The following TNFSF14 variants were observed in gnomAD, a reference collection of about 807,000 sequenced individuals.
TNFSF14 encodes the protein tumor necrosis factor ligand superfamily member 14.
TNFSF14 carries 15 observed loss-of-function variants against 22.7 expected under a neutral mutation model. The ratio of observed to expected loss-of-function variants is 0.66; its 90% CI spans 0.44 to 1.02. The LOEUF (loss-of-function observed/expected upper bound fraction) is 1.02. Among genes scored for constraint, TNFSF14 ranks in the 50% least tolerant of loss-of-function variants. TNFSF14 has a pLI of 0.00. For synonymous variants in TNFSF14, 133 were observed against 139.6 expected, an observed-to-expected ratio of 0.95 and a Z score of 0.33; for missense variants, 287 against 326.2, an observed-to-expected ratio of 0.88 and a Z score of 0.93.
In TNFSF14 at chr19:6,664,929, C is replaced by T. The variant is rs1382520538; in HGVS notation, c.720G>A (p.Val240=). 1.3e-6 allele frequency: 2 copies of T among 1,586,610 alleles called. No homozygotes were observed. The highest frequency in any genetic ancestry group is 1.7e-6 in the Non-Finnish European group (2 of 1,161,806). ...CCAATGCACCACGCTCCTTCCTTCACACCATGAAAGCCCCGAAGTAAGACC... is the reference window on the plus strand; with the variant it reads ...CCAATGCACCACGCTCCTTCCTTCATACCATGAAAGCCCCGAAGTAAGACC... ...GTRSYFGAFM[V] is the part of the protein sequence containing the mutation. The change falls in exon 4 of 4, where the codon GTG becomes GTA. Residue 240 remains valine (V), a synonymous_variant. Transcript: ENST00000675206. This position sits in a 1 kb window ranked among gnomAD's most constrained non-coding sequence, Gnocchi z 4.7.
chr19:6,667,137 C>T lies in TNFSF14; in HGVS notation c.274G>A (p.Val92Ile), dbSNP rs201714884. 6 of 1,595,976 alleles carry T rather than the reference C, an allele frequency of 3.8e-6. No individual in the cohort carries two copies. The highest frequency in any genetic ancestry group is 1.7e-4 in the Middle Eastern group (1 of 5,990). ...CCTGTGAGATGCGCTGCTGGGTTGA[C>T]CTCGTGAGACCTTCGCTCTGGGGAA... is the stretch of plus-strand genomic sequence containing the variant. ...QLIQERRSHE[V>I]NPAAHLTGAN... The change falls in exon 3 of 4, where the codon GTC becomes ATC. Residue 92 changes from valine (V) to isoleucine (I), a missense_variant. Physicochemically the swap from Val to Ile is conservative, Grantham distance 29. Coordinates refer to ENST00000675206, the MANE Select transcript of TNFSF14 (RefSeq NM_001376887.1).
At chr19:6,669,807 C>G in intron 1 of TNFSF14, 44 bp downstream of exon 1, 4 of 1,597,658 alleles carry the variant, frequency 2.5e-6, no homozygotes, top group Non-Finnish European at 3.4e-6. Context: ...CACAGGGGAG[C>G]CCCCCTCACC....
In TNFSF14 at chr19:6,663,007, G is replaced by A. The variant is rs1215173137; in HGVS notation, c.*1919C>T. ...CATGGGTCATTACCTCCATCCCTCT[G>A]CCTCTAGGAGCCACCACTTGTTGCT... On this transcript the variant is annotated 3_prime_UTR_variant, in exon 4 of 4. Transcript: ENST00000675206. 3.3e-5 allele frequency: 5 copies of A among 152,188 alleles called. No individual in the cohort carries two copies. Among genetic ancestry groups the A allele is most frequent in the Admixed American group, 2.6e-4 (4 of 15,266 alleles). The allele number at this position is 152,188 out of a possible 1,614,324, so 9.4% of individuals were successfully genotyped here.
rs903282724 is a variant in TNFSF14, at chr19:6,670,101, C to T, written c.-32G>A. On this transcript the variant is annotated 5_prime_UTR_variant, in exon 1 of 4. Transcript: ENST00000675206. Reference sequence around the variant, plus strand: ...GGTGTCTGGAGCAGGGCTGACACGCCTGGGTCCTTCAACCTCAGAGGAAAC... The same window carrying T: ...GGTGTCTGGAGCAGGGCTGACACGCTTGGGTCCTTCAACCTCAGAGGAAAC... 2 of 1,606,612 alleles carry T rather than the reference C, an allele frequency of 1.2e-6. No homozygotes were observed. The highest frequency in any genetic ancestry group is 2.7e-5 in the African/African-American group (2 of 74,886).
At position 6,664,650 on chromosome 19, in the gene TNFSF14, C is replaced by T; in HGVS notation, c.*276G>A. ...GCCTCCCGGGTTTAAGCAAAATTAT[C>T]CTGCCTCAGCCTCCTGAGTAGCTGG... On this transcript the variant is annotated 3_prime_UTR_variant, in exon 4 of 4. Coordinates refer to ENST00000675206, the MANE Select transcript of TNFSF14 (RefSeq NM_001376887.1). This position sits in a 1 kb window ranked among gnomAD's most constrained non-coding sequence, Gnocchi z 4.7. The T allele has an allele frequency of 3.5e-6, 1 of 282,228 alleles. No individual in the cohort carries two copies. The highest frequency in any genetic ancestry group is 4.7e-5 in the Admixed American group (1 of 21,436). The allele number at this position is 282,228 out of a possible 1,614,324, so 17.5% of individuals were successfully genotyped here.
Position 6,665,307 on chromosome 19 carries a change from C to CCATA in TNFSF14, c.338_341dup (p.Trp114CysfsTer110). On this transcript the variant is annotated frameshift_variant, in exon 4 of 4. Coordinates refer to ENST00000675206, the MANE Select transcript of TNFSF14 (RefSeq NM_001376887.1). LOFTEE classifies it high-confidence loss of function. ...GGAAGGCCAGGCCCAGCTGAGTCTC[C>CCATA]CATAACAGCGGCCCCCCGCTGCCGG... 1 of 1,608,442 alleles carries CCATA rather than the reference C, an allele frequency of 6.2e-7. No homozygotes were observed. The highest frequency in any genetic ancestry group is 8.5e-7 in the Non-Finnish European group (1 of 1,177,704).
At chr19:6,665,925 C>T (rs978708835) in intron 3 of TNFSF14, among the ~76,000 whole-genome samples, 40 of 152,010 alleles carry the variant, frequency 2.6e-4, no homozygotes, top group Non-Finnish European at 3.4e-4. Context: ...CATGAGCCAC[C>T]ACCCTGCCTA....
intron 1 of TNFSF14, among the ~76,000 whole-genome samples, chr19:6,668,772 A>T (rs999468358): frequency 3.9e-5 from 6 of 151,992 alleles, no homozygotes; most frequent in African/African-American, 1.2e-4. Context: ...GGGATATAGC[A>T]CCTGCCACAG....
intron 1 of TNFSF14, among the ~76,000 whole-genome samples, chr19:6,669,609 C>T (rs747519247): frequency 3.3e-5 from 5 of 152,152 alleles, no homozygotes; most frequent in South Asian, 2.1e-4. Context: ...TAGCATACTT[C>T]GTCCCCTATG....
rs61729849 is a variant in TNFSF14 at position 6,665,316 on chromosome 19, C to G, written c.333G>C (p.Pro111=). The change falls in exon 4 of 4, where the codon CCG becomes CCC. Residue 111 remains proline (P), a synonymous_variant. Coordinates refer to ENST00000675206, the MANE Select transcript of TNFSF14 (RefSeq NM_001376887.1). ...ANSSLTGSGG[P]LLWETQLGLA... The stretch of plus-strand genomic sequence containing the variant: ...GGCCCAGCTGAGTCTCCCATAACAG[C>G]GGCCCCCCGCTGCCGGTCAAGCTGG... 4 of 1,601,426 alleles carry G rather than the reference C, an allele frequency of 2.5e-6. No individual in the cohort carries two copies. Among genetic ancestry groups the G allele is most frequent in the East Asian group, 4.5e-5 (2 of 44,528 alleles).
chr19:6,670,240 G>T, upstream of TNFSF14: 3 of 1,433,778 alleles, frequency 2.1e-6, no homozygotes, highest in Non-Finnish European at 1.8e-6. Flanking sequence ...TCTTCTTCCG[G>T]TACCCGCCGC....
rs190344627 is a variant in TNFSF14 at position 6,664,773 on chromosome 19, C to T, written c.*153G>A. The T allele has an allele frequency of 1.7e-4, 162 of 927,616 alleles. 1 individual carries two copies. In the Admixed American group the frequency reaches 3.7e-3, roughly 21 times the overall value. The allele number at this position is 927,616 out of a possible 1,614,324, so 57.5% of individuals were successfully genotyped here. On this transcript the variant is annotated 3_prime_UTR_variant, in exon 4 of 4. Transcript: ENST00000675206. This position sits in a 1 kb window ranked among gnomAD's most constrained non-coding sequence, Gnocchi z 4.7. Reference sequence around the variant, plus strand: ...CAGGCTGGTCTCGAACTCCTGACCTCAGGTGATCCGCCTGCCTTGGCCTCC... The same window carrying T: ...CAGGCTGGTCTCGAACTCCTGACCTTAGGTGATCCGCCTGCCTTGGCCTCC...
In TNFSF14 at chr19:6,661,458, A is replaced by T. The variant is rs1278541476; in HGVS notation, c.*3468T>A. ...TGGTAACAGAAAAACAAACAGTTCC[A>T]GGTGCAGGGGCTTTAAATCTATCAC... On this transcript the variant is annotated 3_prime_UTR_variant, in exon 4 of 4. Transcript: ENST00000675206. 6.6e-6 allele frequency: 1 copy of T among 152,368 alleles called. No homozygotes were observed. Among genetic ancestry groups the T allele is most frequent in the East Asian group, 1.9e-4 (1 of 5,188 alleles). The allele number at this position is 152,368 out of a possible 1,614,324, so 9.4% of individuals were successfully genotyped here. A position where few individuals can be genotyped will look rare whatever the true frequency, so the allele number is the denominator to read the frequency against.
intron 3 of TNFSF14, 138 bp from the exon 4 acceptor site, chr19:6,665,488 A>C (rs951306032): frequency 2.1e-6 from 2 of 948,488 alleles, no homozygotes; most frequent in South Asian, 1.8e-5. Context: ...GGCTTACTGC[A>C]CCCTCCGCCT....
chr19:6,665,269 C>T lies in TNFSF14; in HGVS notation c.380G>A (p.Ser127Asn). The T allele has an allele frequency of 6.2e-7, 1 of 1,613,694 alleles. No individual in the cohort carries two copies. Residue 127 changes from serine (S) to asparagine (N), a missense_variant, in exon 4 of 4, where the codon AGC (serine) becomes AAC (asparagine). Ser to Asn is a conservative substitution (Grantham distance 46). Transcript: ENST00000675206. ...QLGLAFLRGLSYHDGALVVTK... is the reference protein window; with the variant it reads ...QLGLAFLRGLNYHDGALVVTK... ...GACCACAAGGGCCCCATCGTGGTAG[C>T]TGAGGCCCCTCAGGAAGGCCAGGCC...
rs1917352306 is a variant in TNFSF14 at position 6,664,754 on chromosome 19, G to C, written c.*172C>G. 2 of 714,036 alleles carry C rather than the reference G, an allele frequency of 2.8e-6. No homozygotes were observed. The highest frequency in any genetic ancestry group is 3.5e-5 in the African/African-American group (2 of 56,830). 44.2% of individuals were successfully genotyped at this position (714,036 alleles called of 1,614,324 possible). ...GGGGTTTTGCCATGTTAGCCAGGCT[G>C]GTCTCGAACTCCTGACCTCAGGTGA... On this transcript the variant is annotated 3_prime_UTR_variant, in exon 4 of 4. Transcript: ENST00000675206. This position sits in a 1 kb window ranked among gnomAD's most constrained non-coding sequence, Gnocchi z 4.7.
At chr19:6,667,483 T>C in intron 1 of TNFSF14, 34 bp from the exon 2 acceptor site, 1 of 1,570,654 alleles carries the variant, frequency 6.4e-7, no homozygotes, top group South Asian at 1.2e-5. Context: ...GGTAAGAACC[T>C]GCAGCGGGGG....
chr19:6,669,223 C>T (rs922903906), intron 1 of TNFSF14, among the ~76,000 whole-genome samples: 1 of 152,174 alleles, frequency 6.6e-6, no homozygotes, highest in African/African-American at 2.4e-5. Flanking sequence ...GTGGCTCACA[C>T]CTGTAATCCC....
Position 6,661,546 on chromosome 19 carries a change from A to G in TNFSF14, c.*3380T>C. ...GGACGAATTCCTGGGAATTGTGGAT[A>G]TAGCTTGTCACAGTATCTTATCAGT... On this transcript the variant is annotated 3_prime_UTR_variant, in exon 4 of 4. Coordinates refer to ENST00000675206, the MANE Select transcript of TNFSF14 (RefSeq NM_001376887.1). 1 of 152,206 alleles carries G rather than the reference A, an allele frequency of 6.6e-6. No individual in the cohort carries two copies. Among genetic ancestry groups the G allele is most frequent in the Non-Finnish European group, 1.5e-5 (1 of 68,044 alleles). 9.4% of individuals were successfully genotyped at this position (152,206 alleles called of 1,614,324 possible).
Sources: allele counts gnomAD v4.1 joint callset (sites outside exome capture counted in the v4.1 genomes callset), GRCh38; gene constraint gnomAD v4.1.1; non-coding constraint Gnocchi (gnomAD v3.1); transcripts MANE v1.5; gene names NCBI Gene and HGNC (gene_info 2026-07-23, HGNC 2026-07-21).